CPEB2: variants seen among roughly 807,000 people sequenced by gnomAD.
CPEB2 encodes the protein cytoplasmic polyadenylation element-binding protein 2.
CPEB2 carries 56 observed loss-of-function variants against 93.6 expected under a neutral mutation model. The ratio of observed to expected loss-of-function variants is 0.60; its 90% CI spans 0.48 to 0.75. CPEB2 has a LOEUF of 0.75. CPEB2 is among the 30% of genes least tolerant of loss of function. The probability of loss-of-function intolerance (pLI) is 0.00; values close to 1 mark genes in which losing one functional copy is unlikely to be tolerated. For synonymous variants in CPEB2, 764 were observed against 586.3 expected (o/e 1.30, Z -4.38); for missense variants, 1,579 against 1,395.1 (o/e 1.13, Z -2.10).
At position 15,004,284 on chromosome 4, in the gene CPEB2, G is replaced by C; in HGVS notation, c.1611G>C (p.Gln537His). ...PVSPQLQQQH[Q>H]AAAAAFLQQR... The stretch of plus-strand genomic sequence containing the variant: ...GCCCGCAGCTCCAGCAGCAGCACCA[G>C]GCGGCGGCCGCCGCCTTCCTGCAGC... Residue 537 changes from glutamine to histidine, a missense_variant, in exon 1 of 12, where the codon CAG becomes CAC. By Grantham distance (24) the Gln-to-His change is conservative. This residue lies in a region of CPEB2 where 1,411 missense variants were observed against 1,056.0 expected (regional missense o/e 1.34). Transcript: ENST00000538197. The C allele has an allele frequency of 6.7e-7, 1 of 1,494,250 alleles. No individual in the cohort carries two copies. The highest frequency in any genetic ancestry group is 1.5e-5 in the African/African-American group (1 of 68,476). 92.6% of individuals were successfully genotyped at this position (1,494,250 alleles called of 1,614,324 possible).
At chr4:15,033,672 C>T (rs1363874317) in intron 5 of CPEB2, among the ~76,000 whole-genome samples, 1 of 152,170 alleles carries the variant, frequency 6.6e-6, no homozygotes, top group Admixed American at 6.5e-5. Flanking sequence ...ACTAAACTTA[C>T]TCAAACTAGA....
chr4:15,002,595 G>C lies in CPEB2; in HGVS notation c.-79G>C. 1 of 1,248,312 alleles carries C rather than the reference G, an allele frequency of 8.0e-7. No homozygotes were observed. Among genetic ancestry groups the C allele is most frequent in the Non-Finnish European group, 1.1e-6 (1 of 934,982 alleles). 77.3% of individuals were successfully genotyped at this position (1,248,312 alleles called of 1,614,324 possible). ...GACTCCCCCTCCTTCCACCACGGCC[G>C]CGCAACCCCAGCGCCGGCGGCTTCC... On this transcript the variant is annotated 5_prime_UTR_variant, in exon 1 of 12. Coordinates refer to ENST00000538197, the MANE Select transcript of CPEB2 (RefSeq NM_001177382.2).
intron 3 of CPEB2, among the ~76,000 whole-genome samples, chr4:15,015,815 G>A (rs1235379645): frequency 1.3e-5 from 2 of 151,938 alleles, no homozygotes; most frequent in Admixed American, 6.6e-5. Context: ...TTCCAATGAA[G>A]ACATATGATA....
intron 1 of CPEB2, 39 bp from the exon 2 acceptor site, chr4:15,007,266 C>A (rs1577358484): frequency 2.2e-6 from 3 of 1,394,532 alleles, no homozygotes; most frequent in East Asian, 2.5e-5. Context: ...ATTGTAAATT[C>A]TTTAAATGCC....
Position 15,069,646 on chromosome 4 carries a change from T to A in CPEB2, c.*3266T>A, listed in dbSNP as rs191797654. The A allele has an allele frequency of 3.3e-5, 5 of 152,288 alleles. No individual in the cohort carries two copies. The Admixed American group carries it at 3.3e-4, about 10-fold the overall frequency. The allele number at this position is 152,288 out of a possible 1,614,324, so 9.4% of individuals were successfully genotyped here. A position where few individuals can be genotyped will look rare whatever the true frequency, so the allele number is the denominator to read the frequency against. On this transcript the variant is annotated 3_prime_UTR_variant, in exon 12 of 12. Coordinates refer to ENST00000538197, the MANE Select transcript of CPEB2 (RefSeq NM_001177382.2). ...TTTTTCATATTCTTGTCATTAATATTATTTTGTATTTTTATGTGGAAATAT... is the reference window on the plus strand; with the variant it reads ...TTTTTCATATTCTTGTCATTAATATAATTTTGTATTTTTATGTGGAAATAT...
intron 5 of CPEB2, among the ~76,000 whole-genome samples, chr4:15,035,438 A>G (rs1726516446): frequency 1.3e-5 from 2 of 152,132 alleles, no homozygotes; most frequent in South Asian, 2.1e-4. Flanking sequence ...TCATTCATGT[A>G]AAGTATTTAG....
At chr4:15,042,237 A>G (rs1304422523) in intron 6 of CPEB2, among the ~76,000 whole-genome samples, 3 of 152,164 alleles carry the variant, frequency 2.0e-5, no homozygotes, top group Non-Finnish European at 4.4e-5. Context: ...TCTCATGTAA[A>G]TATCATGACC....
intron 6 of CPEB2, among the ~76,000 whole-genome samples, chr4:15,042,649 GAAAGGC>G (rs1727298781): frequency 6.6e-6 from 1 of 152,154 alleles, no homozygotes; most frequent in African/African-American, 2.4e-5. Flanking sequence ...AGAGTCACGT[GAAAGGC>G]ACACTCATTA....
chr4:15,063,733 T>C (rs1385935467), intron 11 of CPEB2: 4 of 152,066 alleles, frequency 2.6e-5, no homozygotes, highest in African/African-American at 7.2e-5. Flanking sequence ...TTTCTGAAAT[T>C]ATAGTGAAGG....
chr4:15,010,840 T>A (rs892268167), intron 3 of CPEB2, among the ~76,000 whole-genome samples: 1 of 152,168 alleles, frequency 6.6e-6, no homozygotes, highest in Admixed American at 6.5e-5. Context: ...TTAATTCTTA[T>A]ACTTGGATAC....
rs1214560478 is a variant in CPEB2 at position 15,069,045 on chromosome 4, T to C, written c.*2665T>C. On this transcript the variant is annotated 3_prime_UTR_variant, in exon 12 of 12. Transcript: ENST00000538197. ...TGTAGAAAATTATTAATTTTGATTG[T>C]ATTTTTGTATTTTAAAAGCTTCTTC... 1 of 152,218 alleles carries C rather than the reference T, an allele frequency of 6.6e-6. No individual in the cohort carries two copies. The highest frequency in any genetic ancestry group is 1.5e-5 in the Non-Finnish European group (1 of 67,824). 9.4% of individuals were successfully genotyped at this position (152,218 alleles called of 1,614,324 possible). A position where few individuals can be genotyped will look rare whatever the true frequency, so the allele number is the denominator to read the frequency against.
At chr4:15,051,918 G>A (rs1037389281) in intron 6 of CPEB2, among the ~76,000 whole-genome samples, 6 of 152,212 alleles carry the variant, frequency 3.9e-5, no homozygotes. Flanking sequence ...ACTGTTTCAT[G>A]TAATTGGCAC....
At chr4:15,065,022 A>G (rs1729570115) in intron 11 of CPEB2, among the ~76,000 whole-genome samples, 1 of 152,150 alleles carries the variant, frequency 6.6e-6, no homozygotes, top group Non-Finnish European at 1.5e-5. Flanking sequence ...TGTCGAATAT[A>G]CATAAAATAT....
chr4:15,003,348 T>C lies in CPEB2; in HGVS notation c.675T>C (p.Ala225=). 7.2e-7 allele frequency: 1 copy of C among 1,393,366 alleles called. No homozygotes were observed. The highest frequency in any genetic ancestry group is 9.2e-7 in the Non-Finnish European group (1 of 1,087,170). 86.3% of individuals were successfully genotyped at this position (1,393,366 alleles called of 1,614,324 possible). Residue 225 remains alanine (A), a synonymous_variant, in exon 1 of 12, where the codon GCT becomes GCC. Coordinates refer to ENST00000538197, the MANE Select transcript of CPEB2 (RefSeq NM_001177382.2). ...AGPLLQPAQL[A]QRQQQQPPQQ... ...CGCTCCTCCAGCCGGCGCAGCTCGC[T>C]CAGCGCCAGCAGCAACAGCCGCCGC...
intron 6 of CPEB2, among the ~76,000 whole-genome samples, chr4:15,046,891 A>G (rs1375822121): frequency 2.0e-5 from 3 of 152,294 alleles, no homozygotes; most frequent in African/African-American, 4.8e-5. Context: ...ACTACCCACA[A>G]GGTTATGAAG....
At chr4:15,025,457 G>A (rs762285814) in intron 4 of CPEB2, among the ~76,000 whole-genome samples, 2 of 151,990 alleles carry the variant, frequency 1.3e-5, no homozygotes, top group Admixed American at 1.3e-4. Flanking sequence ...AAAAAATGGG[G>A]ATTGGAAGCT....
At position 15,068,445 on chromosome 4, in the gene CPEB2, A is replaced by T. The variant is rs930969465; in HGVS notation, c.*2065A>T. On this transcript the variant is annotated 3_prime_UTR_variant, in exon 12 of 12. Transcript: ENST00000538197. ...CTGCCAAACCTTGATCCATTTTGAC[A>T]TTTGTTATGCACTATTTTTATATCT... is the stretch of plus-strand genomic sequence containing the variant. The T allele has an allele frequency of 6.6e-6, 1 of 152,160 alleles. No homozygotes were observed. Among genetic ancestry groups the T allele is most frequent in the East Asian group, 1.9e-4 (1 of 5,164 alleles). 9.4% of individuals were successfully genotyped at this position (152,160 alleles called of 1,614,324 possible). A position where few individuals can be genotyped will look rare whatever the true frequency, so the allele number is the denominator to read the frequency against.
chr4:15,004,042 A>T lies in CPEB2; in HGVS notation c.1369A>T (p.Met457Leu). The T allele has an allele frequency of 6.4e-7, 1 of 1,564,328 alleles. No individual in the cohort carries two copies. Among genetic ancestry groups the T allele is most frequent in the South Asian group, 1.2e-5 (1 of 86,540 alleles). ...CTTCTACCCCGGGCTGCCGTCGTCC[A>T]TGAACCCGGCCTTCTTCCCTAGCTT... is the stretch of plus-strand genomic sequence containing the variant. ...NGFYPGLPSS[M>L]NPAFFPSFSP... Residue 457 changes from methionine (M) to leucine (L), a missense_variant, in exon 1 of 12, where the codon ATG becomes TTG. Physicochemically the swap from Met to Leu is conservative, Grantham distance 15 (BLOSUM62 2). Coordinates refer to ENST00000538197, the MANE Select transcript of CPEB2 (RefSeq NM_001177382.2).
At chr4:15,050,652 T>A (rs1382958859) in intron 6 of CPEB2, among the ~76,000 whole-genome samples, 1 of 152,232 alleles carries the variant, frequency 6.6e-6, no homozygotes, top group African/African-American at 2.4e-5. Context: ...TCTTAATATC[T>A]CACATTGTTA....
Sources: gnomAD v4.1 joint callset for allele counts (sites outside exome capture counted in the v4.1 genomes callset) on GRCh38, gnomAD v4.1.1 for gene constraint, gnomAD v4.1.1 regional missense constraint, MANE v1.5 for transcripts, NCBI Gene and HGNC (gene_info 2026-07-23, HGNC 2026-07-21) for gene names.